The following DENND2B variants were observed in gnomAD, a reference collection of about 807,000 sequenced individuals.
The protein encoded by DENND2B is DENN domain containing 2B, also known as DENN domain-containing protein 2B.
A neutral mutation model predicts 116.0 loss-of-function variants in DENND2B; 32 were observed. The ratio of observed to expected loss-of-function variants is 0.28; its 90% CI spans 0.21 to 0.37. DENND2B has a LOEUF of 0.37. Among genes scored for constraint, DENND2B ranks in the 10% least tolerant of loss-of-function variants. DENND2B has a pLI of 1.00. For synonymous variants in DENND2B, 588 were observed against 583.9 expected (o/e 1.01, Z -0.10); for missense variants, 1,276 against 1,477.7 (o/e 0.86, Z 2.24).
chr11:8,714,676 C>T lies in DENND2B; in HGVS notation c.1876G>A (p.Ala626Thr). 1 of 1,614,178 alleles carries T rather than the reference C, an allele frequency of 6.2e-7. No individual in the cohort carries two copies. Among genetic ancestry groups the T allele is most frequent in the Non-Finnish European group, 8.5e-7 (1 of 1,180,034 alleles). Residue 626 changes from alanine (A) to threonine (T), a missense_variant, in exon 7 of 20, where the codon GCC becomes ACC. Ala to Thr is a moderately conservative substitution (Grantham distance 58, BLOSUM62 0). Coordinates refer to ENST00000313726, the MANE Select transcript of DENND2B (RefSeq NM_213618.2). ...LVQRINSIYN[A>T]KRGKKRLKKL... ...TTTAATCTCTTCTTTCCTCTCTTGG[C>T]ATTGTAGATGGAGTTAATTCTTTGG...
chr11:8,717,721 C>A lies in DENND2B; in HGVS notation c.1629+20G>T. On this transcript the variant is annotated intron_variant, in intron 5 of 19. Coordinates refer to ENST00000313726, the MANE Select transcript of DENND2B (RefSeq NM_213618.2). ...TGGCCCTCACGCTAACCCTACAGGC[C>A]GATGTCAGGGCTGAGTTACCTGTGT... 6.5e-7 allele frequency: 1 copy of A among 1,530,454 alleles called. No individual in the cohort carries two copies. Among genetic ancestry groups the A allele is most frequent in the Non-Finnish European group, 8.8e-7 (1 of 1,136,276 alleles). 94.8% of individuals were successfully genotyped at this position (1,530,454 alleles called of 1,614,324 possible). A position where few individuals can be genotyped will look rare whatever the true frequency, so the allele number is the denominator to read the frequency against.
In DENND2B at chr11:8,701,350, G is replaced by C. The variant is rs543115079; in HGVS notation, c.2720+1222C>G. Among the ~76,000 whole-genome samples the C allele has an allele frequency of 3.3e-3, 197 of 60,518 alleles. 28 individuals carry two copies. The highest frequency in any genetic ancestry group is 1.0e-2 in the African/African-American group (138 of 13,868). 39.7% of individuals were successfully genotyped at this position (60,518 alleles called of 152,430 possible). A position where few individuals can be genotyped will look rare whatever the true frequency, so the allele number is the denominator to read the frequency against. Reference sequence around the variant, plus strand: ...GGATGGGAAGGCCAGCTTCCGGGGGGGGGGGGGGGAGGGGCTACATGAATG... The same window carrying C: ...GGATGGGAAGGCCAGCTTCCGGGGGCGGGGGGGGGAGGGGCTACATGAATG... On this transcript the variant is annotated intron_variant, in intron 14 of 19. Transcript: ENST00000313726.
intron 1 of DENND2B, among the ~76,000 whole-genome samples, chr11:8,905,985 G>A (rs76200954): frequency 6.6e-6 from 1 of 151,172 alleles, no homozygotes; most frequent in Admixed American, 6.6e-5. Context: ...TCATAAGACA[G>A]CAAGCAGAAG....
chr11:8,701,811 G>GCCA (rs2041742430), intron 14 of DENND2B, among the ~76,000 whole-genome samples: 1 of 151,740 alleles, frequency 6.6e-6, no homozygotes, highest in African/African-American at 2.4e-5. Context: ...CCCTCCCATG[G>GCCA]CCACCACCAG....
chr11:8,849,764 A>G (rs1235545178), intron 3 of DENND2B, among the ~76,000 whole-genome samples: 1 of 150,554 alleles, frequency 6.6e-6, no homozygotes, highest in African/African-American at 2.5e-5. Flanking sequence ...CAGAGGTTGC[A>G]GTGAGCTGAG....
chr11:8,712,466 A>T lies in DENND2B; in HGVS notation c.2172+85T>A. 7.1e-7 allele frequency: 1 copy of T among 1,413,314 alleles called. No individual in the cohort carries two copies. The highest frequency in any genetic ancestry group is 9.5e-7 in the Non-Finnish European group (1 of 1,049,396). 87.5% of individuals were successfully genotyped at this position (1,413,314 alleles called of 1,614,324 possible). ...TCGGTGAGGACGTATGACGAACAAG[A>T]TCTCTCTCCTTCCCCAGATAGGCCT... On this transcript the variant is annotated intron_variant, in intron 9 of 19. Coordinates refer to ENST00000313726, the MANE Select transcript of DENND2B (RefSeq NM_213618.2). This position sits in a 1 kb window ranked among gnomAD's most constrained non-coding sequence, Gnocchi z 4.4.
chr11:8,845,140 A>G (rs754249901), intron 3 of DENND2B: 9 of 152,246 alleles, frequency 5.9e-5, no homozygotes, highest in Non-Finnish European at 1.2e-4. Context: ...TAATTGGTTT[A>G]GAAATTGGTA....
upstream of DENND2B, among the ~76,000 whole-genome samples, chr11:8,874,789 T>C (rs1284562760): frequency 6.6e-6 from 1 of 151,104 alleles, no homozygotes; most frequent in Non-Finnish European, 1.5e-5. Flanking sequence ...AGCATGGTGG[T>C]TTATGTACAC....
At chr11:8,799,400 A>C (rs1379058879) in intron 1 of DENND2B, among the ~76,000 whole-genome samples, 1 of 152,142 alleles carries the variant, frequency 6.6e-6, no homozygotes, top group East Asian at 1.9e-4. Flanking sequence ...AAGAAACTTC[A>C]GTATTTTCTT....
Position 8,731,041 on chromosome 11 carries a change from G to C in DENND2B, c.249C>G (p.Pro83=). The change falls in exon 3 of 20, where the codon CCC becomes CCG. Residue 83 remains proline (P), a synonymous_variant. Transcript: ENST00000313726. The stretch of plus-strand genomic sequence containing the variant: ...AGGTGGGTGGGGAAGTATCTGGGGA[G>C]GGATCTTGAGGATTCTGGGGTGAAG... ...PAPSPQNPQD[P]SPDTSPPTCP... 1 of 1,614,118 alleles carries C rather than the reference G, an allele frequency of 6.2e-7. No individual in the cohort carries two copies. Among genetic ancestry groups the C allele is most frequent in the South Asian group, 1.1e-5 (1 of 91,086 alleles).
chr11:8,696,300 C>CA, intron 18 of DENND2B, 127 bp downstream of exon 18: 5 of 1,386,838 alleles, frequency 3.6e-6, no homozygotes. Context: ...AAGTTTCTAA[C>CA]AGAGGTAAAG....
At chr11:8,803,451 G>A (rs1033164265) in intron 1 of DENND2B, among the ~76,000 whole-genome samples, 2 of 152,200 alleles carry the variant, frequency 1.3e-5, no homozygotes, top group Non-Finnish European at 2.9e-5. Flanking sequence ...TCTGGAAGAG[G>A]AGACTGAACC....
intron 1 of DENND2B, among the ~76,000 whole-genome samples, chr11:8,794,494 A>G (rs2059645962): frequency 6.6e-6 from 1 of 152,246 alleles, no homozygotes; most frequent in Non-Finnish European, 1.5e-5. Context: ...ATTGAAACAG[A>G]ATTCTACAGT....
chr11:8,852,142 C>G (rs2063030416), intron 3 of DENND2B, among the ~76,000 whole-genome samples: 1 of 152,166 alleles, frequency 6.6e-6, no homozygotes, highest in African/African-American at 2.4e-5. Context: ...AAGAGACTAT[C>G]AAGTGCAAAA....
rs996963544 is a variant in DENND2B, at chr11:8,866,124, T to C, written c.-250+4830A>G. ...ACAGGTGCCCGCCACCACGCCCAGC[T>C]AATTTTTTGTATTTTTAGTAGAGAC... is the stretch of plus-strand genomic sequence containing the variant. On this transcript the variant is annotated intron_variant, in intron 2 of 6. Transcript: ENST00000524757. Among the ~76,000 whole-genome samples, 3 of 152,190 alleles carry C rather than the reference T, an allele frequency of 2.0e-5. No homozygotes were observed. The South Asian group carries it at 6.2e-4, about 32-fold the overall frequency.
chr11:8,730,762 C>T lies in DENND2B; in HGVS notation c.528G>A (p.Glu176=). The T allele has an allele frequency of 6.2e-7, 1 of 1,612,772 alleles. No individual in the cohort carries two copies. The highest frequency in any genetic ancestry group is 8.5e-7 in the Non-Finnish European group (1 of 1,179,996). Residue 176 remains glutamate (E), a synonymous_variant, in exon 3 of 20, where the codon GAG becomes GAA. Coordinates refer to ENST00000313726, the MANE Select transcript of DENND2B (RefSeq NM_213618.2). The surrounding 1 kb of genome is among the most constrained non-coding windows in gnomAD (Gnocchi z 4.1). Reference sequence around the variant, plus strand: ...CACACATGCTCATCCTGGGCGACGCCTCTCGGCGACCTTCCCATGCTGATA... The same window carrying T: ...CACACATGCTCATCCTGGGCGACGCTTCTCGGCGACCTTCCCATGCTGATA... ...EKISAWEGRR[E]ASPRMSMCGE...
In DENND2B at chr11:8,824,896, G is replaced by A. The variant is rs12184433; in HGVS notation, c.-114-13561C>T. On this transcript the variant is annotated intron_variant, in intron 4 of 6. Coordinates refer to the DENND2B transcript ENST00000524757. Reference sequence around the variant, plus strand: ...GTATTTTTAGTAGAGACACGGTTTCGCCATGTTGGCCAGGCTGGTCTCGAA... The same window carrying A: ...GTATTTTTAGTAGAGACACGGTTTCACCATGTTGGCCAGGCTGGTCTCGAA... 7.2e-5 allele frequency among the ~76,000 whole-genome samples: 10 copies of A among 139,016 alleles called. No homozygotes were observed. In the Admixed American group the frequency reaches 7.8e-4, roughly 11 times the overall value. The allele number at this position is 139,016 out of a possible 152,430, so 91.2% of individuals were successfully genotyped here. A position where few individuals can be genotyped will look rare whatever the true frequency, so the allele number is the denominator to read the frequency against.
intron 1 of DENND2B, among the ~76,000 whole-genome samples, chr11:8,759,201 C>T (rs1462164272): frequency 6.6e-6 from 1 of 152,208 alleles, no homozygotes; most frequent in East Asian, 1.9e-4. Flanking sequence ...AATGGACCTT[C>T]CTATCCTAGA....
intron 2 of DENND2B, among the ~76,000 whole-genome samples, chr11:8,859,290 G>GTT: frequency 7.3e-6 from 1 of 136,860 alleles, no homozygotes; most frequent in Non-Finnish European, 1.6e-5. Context: ...ACACTAACGT[G>GTT]TTTTTTTGTT....
Sources: gnomAD v4.1 joint callset for allele counts (sites outside exome capture counted in the v4.1 genomes callset) on GRCh38, gnomAD v4.1.1 for gene constraint, Gnocchi (gnomAD v3.1) non-coding constraint, MANE v1.5 for transcripts, NCBI Gene and HGNC (gene_info 2026-07-23, HGNC 2026-07-21) for gene names.